Variants in DDHD1 observed in about 807,000 individuals in gnomAD.
The protein encoded by DDHD1 is phospholipase DDHD1.
In DDHD1, 49 loss-of-function variants were observed where a neutral mutation model predicts 96.4. The observed-to-expected ratio is 0.51, with a 90% CI of 0.40 to 0.64. The LOEUF (loss-of-function observed/expected upper bound fraction) is 0.64. DDHD1 is among the 30% of genes least tolerant of loss of function. The probability of loss-of-function intolerance (pLI) is 0.00; values close to 1 mark genes in which losing one functional copy is unlikely to be tolerated. For missense variants in DDHD1, 1,106 were observed against 1,161.2 expected (o/e 0.95, Z 0.69); for synonymous variants, 442 against 446.5 (o/e 0.99, Z 0.13).
intron 6 of DDHD1, among the ~76,000 whole-genome samples, chr14:53,066,274 C>A (rs1381826129): frequency 6.6e-6 from 1 of 152,100 alleles, no homozygotes; most frequent in Admixed American, 6.5e-5. Context: ...GCCTCAGCCT[C>A]CTGAGTAGCT....
At position 53,045,388 on chromosome 14, in the gene DDHD1, A is replaced by G. The variant is rs1294750731; in HGVS notation, c.*1380T>C. The stretch of plus-strand genomic sequence containing the variant: ...AGGTGTACACCACTACAAGTGGCTA[A>G]TTTTTGTCAGTTTTTGCAGAGAAGA... On this transcript the variant is annotated 3_prime_UTR_variant, in exon 13 of 13. Coordinates refer to ENST00000673822, the MANE Select transcript of DDHD1 (RefSeq NM_001160148.2). 1 of 152,032 alleles carries G rather than the reference A, an allele frequency of 6.6e-6. No homozygotes were observed. Among genetic ancestry groups the G allele is most frequent in the African/African-American group, 2.4e-5 (1 of 41,372 alleles). 9.4% of individuals were successfully genotyped at this position (152,032 alleles called of 1,614,324 possible).
intron 8 of DDHD1, among the ~76,000 whole-genome samples, chr14:53,059,326 G>T (rs913676704): frequency 2.6e-5 from 4 of 151,964 alleles, no homozygotes; most frequent in African/African-American, 9.7e-5. Flanking sequence ...CTCACTGCAA[G>T]CTCCGCCTCC....
chr14:53,097,204 T>A (rs905254869), intron 2 of DDHD1, among the ~76,000 whole-genome samples: 2 of 152,038 alleles, frequency 1.3e-5, no homozygotes, highest in Non-Finnish European at 2.9e-5. Flanking sequence ...GGTTAAATAC[T>A]GCTCAAATAC....
chr14:53,062,822 T>C, intron 7 of DDHD1, 121 bp downstream of exon 7: 1 of 1,041,638 alleles, frequency 9.6e-7, no homozygotes, highest in South Asian at 1.7e-5. Context: ...TGCTATATAG[T>C]AATCTTTGTA....
At chr14:53,095,705 G>T (rs1245519055) in intron 2 of DDHD1, among the ~76,000 whole-genome samples, 1 of 152,062 alleles carries the variant, frequency 6.6e-6, no homozygotes, top group Non-Finnish European at 1.5e-5. Flanking sequence ...TTTTGCAAGG[G>T]TTTAACAATC....
Position 53,152,336 on chromosome 14 carries a change from C to T in DDHD1, c.763G>A (p.Glu255Lys). 1 of 1,614,030 alleles carries T rather than the reference C, an allele frequency of 6.2e-7. No individual in the cohort carries two copies. Among genetic ancestry groups the T allele is most frequent in the South Asian group, 1.1e-5 (1 of 91,082 alleles). The stretch of plus-strand genomic sequence containing the variant: ...AGGCCGCCCCGCACGCACACAGGCT[C>T]GATGTTCACAAGCTCCACCATCTCC... ...EPEMVELVNI[E>K]PVCVRGGLYE... Residue 255 changes from glutamate (E) to lysine (K), a missense_variant, in exon 1 of 13, where the codon GAG becomes AAG. Physicochemically the swap from Glu to Lys is moderately conservative, Grantham distance 56. Coordinates refer to ENST00000673822, the MANE Select transcript of DDHD1 (RefSeq NM_001160148.2).
chr14:53,150,808 C>T (rs1409235013), intron 1 of DDHD1, among the ~76,000 whole-genome samples: 1 of 152,094 alleles, frequency 6.6e-6, no homozygotes, highest in Non-Finnish European at 1.5e-5. Context: ...CACAAGAGTA[C>T]CGTTATGCAC....
At chr14:53,151,000 A>T (rs560897423) in intron 1 of DDHD1, among the ~76,000 whole-genome samples, 1 of 152,272 alleles carries the variant, frequency 6.6e-6, no homozygotes, top group African/African-American at 2.4e-5. Flanking sequence ...TCCTGCTATT[A>T]TTTTATTTGG....
chr14:53,133,372 C>T (rs541921534), intron 1 of DDHD1, among the ~76,000 whole-genome samples: 1 of 152,320 alleles, frequency 6.6e-6, no homozygotes, highest in Admixed American at 6.5e-5. Context: ...TCCATTCTCT[C>T]AGACATACTT....
In DDHD1 at chr14:53,103,795, T is replaced by C; in HGVS notation, c.900A>G (p.Leu300=). 3.7e-6 allele frequency: 6 copies of C among 1,613,590 alleles called. No individual in the cohort carries two copies. Among genetic ancestry groups the C allele is most frequent in the Non-Finnish European group, 4.2e-6 (5 of 1,179,834 alleles). The change falls in exon 2 of 13, where the codon CTA becomes CTG. Residue 300 remains leucine (L), a synonymous_variant. Transcript: ENST00000673822. ...CAATTAAATTACTTTCTTCCTCTTC[T>C]AGAGGCTGCCAAGTGCCGTCAATAA... ...QWFIDGTWQP[L]EEEESNLIEQ... is the part of the protein sequence containing the mutation.
rs989346515 is a variant in DDHD1, at chr14:53,046,797, C to T, written c.2674G>A (p.Asp892Asn). 17 of 1,607,656 alleles carry T rather than the reference C, an allele frequency of 1.1e-5. No individual in the cohort carries two copies. The highest frequency in any genetic ancestry group is 2.7e-5 in the African/African-American group (2 of 74,184). Residue 892 changes from aspartate to asparagine, a missense_variant, in exon 13 of 13, where the codon GAT becomes AAT. Around this residue, in one of 2 missense-constraint regions of DDHD1, gnomAD observed 650 missense variants for 758.8 expected, o/e 0.86. Transcript: ENST00000673822. The stretch of plus-strand genomic sequence containing the variant: ...ATTGGATCTAAATTGGGTTTTGCAT[C>T]ATCATCGTGCTCATGTTTATACATG... ...TFMYKHEHDDDAKPNLDPI is the reference protein window; with the variant it reads ...TFMYKHEHDDNAKPNLDPI
Position 53,062,958 on chromosome 14 carries a change from T to C in DDHD1, c.1751A>G (p.Tyr584Cys), listed in dbSNP as rs774785090. ...GATATTTTACCGTCGTTTAGTTATA[T>C]AGAGTTCATCAAGAAGATGTCGTTC... Reference protein sequence around the residue: ...YEERHLLDELYITKRRLKEIE... With the variant: ...YEERHLLDELCITKRRLKEIE... The change falls in exon 7 of 13, where the codon TAT becomes TGT. Residue 584 changes from tyrosine (Y) to cysteine (C), a missense_variant. Coordinates refer to ENST00000673822, the MANE Select transcript of DDHD1 (RefSeq NM_001160148.2). 6.8e-6 allele frequency: 11 copies of C among 1,614,018 alleles called. No homozygotes were observed. Among genetic ancestry groups the C allele is most frequent in the South Asian group, 3.3e-5 (3 of 91,080 alleles).
chr14:53,138,330 T>C (rs1188346934), intron 1 of DDHD1, among the ~76,000 whole-genome samples: 1 of 152,118 alleles, frequency 6.6e-6, no homozygotes, highest in African/African-American at 2.4e-5. Context: ...GCTTGAGCCC[T>C]GGAGATGGAG....
At chr14:53,054,273 A>G (rs1882848669) in intron 11 of DDHD1, 165 bp downstream of exon 11, 1 of 584,062 alleles carries the variant, frequency 1.7e-6, no homozygotes, top group Non-Finnish European at 2.8e-6. Flanking sequence ...CCTGGAAATT[A>G]TTCTTAAAAA....
intron 4 of DDHD1, among the ~76,000 whole-genome samples, chr14:53,088,134 C>T (rs1424703297): frequency 1.3e-5 from 2 of 152,130 alleles, no homozygotes; most frequent in African/African-American, 2.4e-5. Context: ...AGTTGAATCA[C>T]TGAATAGACC....
intron 4 of DDHD1, among the ~76,000 whole-genome samples, chr14:53,081,580 G>A (rs1300336490): frequency 1.3e-5 from 2 of 152,156 alleles, no homozygotes; most frequent in Admixed American, 6.5e-5. Flanking sequence ...AGTGAGGAGA[G>A]GCAAGGGATA....
At chr14:53,099,211 C>A (rs1887117731) in intron 2 of DDHD1, among the ~76,000 whole-genome samples, 1 of 152,198 alleles carries the variant, frequency 6.6e-6, no homozygotes, top group Middle Eastern at 3.4e-3. Context: ...TATGACATAT[C>A]CTTCATCCAG....
At position 53,082,885 on chromosome 14, in the gene DDHD1, A is replaced by G. The variant is rs185324476; in HGVS notation, c.1289+8900T>C. On this transcript the variant is annotated intron_variant, in intron 4 of 12. Transcript: ENST00000673822. ...CTTGGGCTCAAGCAATCCAAAATAC[A>G]TTTTTTAAACAAACAAACAAACAAA... Among the ~76,000 whole-genome samples the G allele has an allele frequency of 3.9e-3, 589 of 150,582 alleles. 7 individuals are homozygous for G. The highest frequency in any genetic ancestry group is 0.014 in the African/African-American group (563 of 39,980).
intron 2 of DDHD1, 177 bp from the exon 3 acceptor site, chr14:53,093,621 G>C: frequency 1.5e-6 from 1 of 679,218 alleles, no homozygotes; most frequent in Non-Finnish European, 2.3e-6. Flanking sequence ...GTAATGGATA[G>C]GGACTTTATT....
Sources: gnomAD v4.1 joint callset for allele counts (sites outside exome capture counted in the v4.1 genomes callset) on GRCh38, gnomAD v4.1.1 for gene constraint, gnomAD v4.1.1 regional missense constraint, MANE v1.5 for transcripts, NCBI Gene and HGNC (gene_info 2026-07-23, HGNC 2026-07-21) for gene names.